Variants in DIDO1 observed in about 807,000 individuals in gnomAD.
DIDO1 encodes the protein death inducer-obliterator 1.
In DIDO1, 16 loss-of-function variants were observed where a neutral mutation model predicts 99.4. That is an observed-to-expected ratio of 0.16 (90% CI 0.11 to 0.24). DIDO1 has a LOEUF of 0.24. Ranked by LOEUF, DIDO1 falls within the 10% of genes least tolerant of loss-of-function variation. DIDO1 has a pLI of 1.00. For missense variants in DIDO1, 2,996 were observed against 3,014.0 expected, an observed-to-expected ratio of 0.99 and a Z score of 0.14; for synonymous variants, 1,366 against 1,239.1, an observed-to-expected ratio of 1.10 and a Z score of -2.15.
intron 15 of DIDO1, among the ~76,000 whole-genome samples, chr20:62,884,218 T>C (rs2147360218): frequency 6.6e-6 from 1 of 152,184 alleles, no homozygotes; most frequent in East Asian, 1.9e-4. Flanking sequence ...AAAAAAATTA[T>C]TCAAAGATAT....
chr20:62,879,674 C>A lies in DIDO1; in HGVS notation c.6282G>T (p.Gly2094=), dbSNP rs1244883669. The change falls in exon 16 of 16, where the codon GGG becomes GGT. Residue 2094 remains glycine, a synonymous_variant. Transcript: ENST00000395343. The surrounding 1 kb of genome is among the most constrained non-coding windows in gnomAD (Gnocchi z 6.3). ...EGRQRERFDV[G]PKEKPLEEPD... ...GCTCCTCCAGCGGCTTCTCTTTGGGCCCCACGTCAAACCGCTCTCTCTGCC... is the reference window on the plus strand; with the variant it reads ...GCTCCTCCAGCGGCTTCTCTTTGGGACCCACGTCAAACCGCTCTCTCTGCC... The A allele has an allele frequency of 1.2e-6, 2 of 1,609,562 alleles. No homozygotes were observed. The highest frequency in any genetic ancestry group is 2.2e-5 in the East Asian group (1 of 44,860).
rs1306785776 is a variant in DIDO1 at position 62,878,257 on chromosome 20, A to G, written c.*976T>C. On this transcript the variant is annotated 3_prime_UTR_variant, in exon 16 of 16. Transcript: ENST00000395343. Reference sequence around the variant, plus strand: ...CAGAAGTACTCGAAAAATACACGACAAGCAAGAGACTGTTTCACAGTGAAC... The same window carrying G: ...CAGAAGTACTCGAAAAATACACGACGAGCAAGAGACTGTTTCACAGTGAAC... The G allele has an allele frequency of 6.6e-6, 1 of 152,236 alleles. No individual in the cohort carries two copies. The highest frequency in any genetic ancestry group is 2.4e-5 in the African/African-American group (1 of 41,446). 9.4% of individuals were successfully genotyped at this position (152,236 alleles called of 1,614,324 possible).
rs758065557 is a variant in DIDO1, at chr20:62,880,748, G to A, written c.5208C>T (p.Leu1736=). The A allele has an allele frequency of 2.5e-6, 4 of 1,612,716 alleles. No homozygotes were observed. The highest frequency in any genetic ancestry group is 1.6e-4 in the Middle Eastern group (1 of 6,062). The change falls in exon 16 of 16, where the codon CTC becomes CTT. Residue 1736 remains leucine, a synonymous_variant. Coordinates refer to ENST00000395343, the MANE Select transcript of DIDO1 (RefSeq NM_001193369.2). ...CCCCCACTTTCTGTCCTGGTGGGGG[G>A]AGCGGGGCGGTGCCCTCGCCGGGTC... is the stretch of plus-strand genomic sequence containing the variant. ...QARPGEGTAP[L]PPPGQKVGGS...
chr20:62,924,182 T>C (rs2065210245), intron 1 of DIDO1, among the ~76,000 whole-genome samples: 2 of 152,326 alleles, frequency 1.3e-5, no homozygotes, highest in East Asian at 3.9e-4. Context: ...AAGGCTGATC[T>C]TAGTATCCAC....
intron 6 of DIDO1, among the ~76,000 whole-genome samples, chr20:62,900,536 G>C (rs1429005284): frequency 2.0e-5 from 3 of 152,210 alleles, no homozygotes; most frequent in Admixed American, 6.5e-5. Flanking sequence ...TGCCCCAGTG[G>C]AAGTTTTAGC....
intron 6 of DIDO1, among the ~76,000 whole-genome samples, chr20:62,899,162 T>G (rs539868154): frequency 8.5e-5 from 13 of 152,238 alleles, no homozygotes; most frequent in African/African-American, 2.9e-4. Flanking sequence ...GACAGACACC[T>G]GCCGGGAAGC....
At chr20:62,934,529 G>C (rs1401597425) in intron 1 of DIDO1, among the ~76,000 whole-genome samples, 1 of 152,048 alleles carries the variant, frequency 6.6e-6, no homozygotes, top group African/African-American at 2.4e-5. Context: ...AATTATCCTT[G>C]ACCCCCCTCC....
At chr20:62,888,619 G>A (rs575774909) in intron 15 of DIDO1, 7 of 985,558 alleles carry the variant, frequency 7.1e-6, no homozygotes, top group South Asian at 4.7e-5. Flanking sequence ...GACAGGGTCC[G>A]CTGAGACAGG....
chr20:62,881,873 A>C lies in DIDO1; in HGVS notation c.4083T>G (p.Asp1361Glu). The change falls in exon 16 of 16, where the codon GAT becomes GAG. Residue 1361 changes from aspartate (D) to glutamate (E), a missense_variant. Asp to Glu is a conservative substitution (Grantham distance 45). This residue lies in a region of DIDO1 where 1,562 missense variants were observed against 1,412.6 expected (regional missense o/e 1.11). Coordinates refer to ENST00000395343, the MANE Select transcript of DIDO1 (RefSeq NM_001193369.2). The surrounding 1 kb of genome is among the most constrained non-coding windows in gnomAD (Gnocchi z 8.3). ...ACTGACCGAACTGCTGGACGATCGG[A>C]TCTAACAACGGAGGTGCCGGCACCC... Reference protein sequence around the residue: ...EDGVPAPPLLDPIVQQFGQFS... With the variant: ...EDGVPAPPLLEPIVQQFGQFS... The C allele has an allele frequency of 6.2e-7, 1 of 1,613,432 alleles. No homozygotes were observed. The highest frequency in any genetic ancestry group is 1.1e-5 in the South Asian group (1 of 91,078).
intron 15 of DIDO1, chr20:62,889,015 C>T: frequency 1.0e-6 from 1 of 985,492 alleles, no homozygotes; most frequent in Non-Finnish European, 1.2e-6. Flanking sequence ...GATCAAAGTC[C>T]CTGGGGCTTT....
At position 62,907,650 on chromosome 20, in the gene DIDO1, G is replaced by A. The variant is rs766285750; in HGVS notation, c.1162-291C>T. ...CCTCTCGAGGGTGGGCGGGGCCCACGGGACCTCACATCCACGATGAGGCTC... is the reference window on the plus strand; with the variant it reads ...CCTCTCGAGGGTGGGCGGGGCCCACAGGACCTCACATCCACGATGAGGCTC... On this transcript the variant is annotated intron_variant, in intron 4 of 15. Transcript: ENST00000395343. Among the ~76,000 whole-genome samples the A allele has an allele frequency of 5.3e-5, 8 of 152,362 alleles. No homozygotes were observed. The East Asian group carries it at 9.6e-4, about 18-fold the overall frequency.
intron 6 of DIDO1, chr20:62,905,490 A>G (rs1323639563): frequency 4.5e-6 from 7 of 1,550,286 alleles, no homozygotes; most frequent in Non-Finnish European, 6.1e-6. Context: ...TGAAGCGTAT[A>G]CAGCGCTGTT....
chr20:62,923,918 ATTC>A (rs545102150), intron 1 of DIDO1, among the ~76,000 whole-genome samples: 78 of 152,324 alleles, frequency 5.1e-4, no homozygotes, highest in Admixed American at 2.6e-3. Context: ...TGGTTACAGA[ATTC>A]TTATTAAAAT....
intron 15 of DIDO1, among the ~76,000 whole-genome samples, chr20:62,886,836 C>T (rs1232889235): frequency 1.1e-4 from 16 of 152,212 alleles, no homozygotes; most frequent in Non-Finnish European, 7.3e-5. Context: ...CAAGGGGTGA[C>T]GTATGACTTG....
chr20:62,910,315 GCTGC>G (rs2064901829), intron 3 of DIDO1, among the ~76,000 whole-genome samples: 1 of 152,166 alleles, frequency 6.6e-6, no homozygotes. Context: ...AAGCCAACAG[GCTGC>G]CTATCACCGT....
At chr20:62,919,297 G>A (rs536490797) in intron 1 of DIDO1, among the ~76,000 whole-genome samples, 9 of 152,284 alleles carry the variant, frequency 5.9e-5, no homozygotes, top group Admixed American at 1.3e-4. Context: ...CCTGCACTTC[G>A]GGAGGCTGAG....
intron 15 of DIDO1, among the ~76,000 whole-genome samples, chr20:62,884,284 G>A (rs1024967163): frequency 2.6e-5 from 4 of 152,196 alleles, no homozygotes; most frequent in Non-Finnish European, 5.9e-5. Context: ...TTCCAGTAAC[G>A]ACCATCCCCA....
chr20:62,935,736 C>T (rs1305179432), intron 1 of DIDO1, among the ~76,000 whole-genome samples: 1 of 152,184 alleles, frequency 6.6e-6, no homozygotes, highest in Admixed American at 6.5e-5. Flanking sequence ...GGGGAGTCCC[C>T]AAGGGATGTT....
rs1368851232 is a variant in DIDO1 at position 62,911,088 on chromosome 20, C to G, written c.525G>C (p.Glu175Asp). Residue 175 changes from glutamate (E) to aspartate (D), a missense_variant, in exon 3 of 16, where the codon GAG becomes GAC. Transcript: ENST00000395343. This position sits in a 1 kb window ranked among gnomAD's most constrained non-coding sequence, Gnocchi z 7.0. ...TCCCTTTCAGGGGCCTCTCAGTGGGCTCCTGTTCCCGCTTCCTGCGAAGGC... is the reference window on the plus strand; with the variant it reads ...TCCCTTTCAGGGGCCTCTCAGTGGGGTCCTGTTCCCGCTTCCTGCGAAGGC... ...QNRLRRKREQ[E>D]PTERPLKGIQ... The G allele has an allele frequency of 6.2e-7, 1 of 1,613,974 alleles. No individual in the cohort carries two copies. The highest frequency in any genetic ancestry group is 2.2e-5 in the East Asian group (1 of 44,866).
Sources: allele counts gnomAD v4.1 joint callset (sites outside exome capture counted in the v4.1 genomes callset), GRCh38; gene constraint gnomAD v4.1.1; regional missense constraint gnomAD v4.1.1; non-coding constraint Gnocchi (gnomAD v3.1); transcripts MANE v1.5; gene names NCBI Gene and HGNC (gene_info 2026-07-23, HGNC 2026-07-21).